SLC8A3: variants seen among roughly 807,000 people sequenced by gnomAD.
SLC8A3 encodes solute carrier family 8 member A3, also known as sodium/calcium exchanger 3.
In SLC8A3, 37 loss-of-function variants were observed where a neutral mutation model predicts 65.4. The ratio of observed to expected loss-of-function variants is 0.57; its 90% CI spans 0.44 to 0.74. The LOEUF is 0.74. SLC8A3 is among the 30% of genes least tolerant of loss of function. The pLI is 0.00. For synonymous variants in SLC8A3, 461 were observed against 444.5 expected (o/e 1.04, Z -0.47); for missense variants, 1,112 against 1,172.1 (o/e 0.95, Z 0.75).
intron 2 of SLC8A3, among the ~76,000 whole-genome samples, chr14:70,120,030 C>T (rs1315916281): frequency 6.6e-6 from 1 of 152,152 alleles, no homozygotes; most frequent in South Asian, 2.1e-4. Context: ...AGGTGGTTAA[C>T]TGACAAGTGC....
At chr14:70,054,614 T>C (rs964219589) in intron 3 of SLC8A3, among the ~76,000 whole-genome samples, 6 of 151,876 alleles carry the variant, frequency 4.0e-5, no homozygotes, top group Non-Finnish European at 8.8e-5. Context: ...TGTTATGAAA[T>C]CAATACCCTG....
At chr14:70,061,487 A>G (rs1469674889) in intron 2 of SLC8A3, among the ~76,000 whole-genome samples, 4 of 152,000 alleles carry the variant, frequency 2.6e-5, no homozygotes, top group African/African-American at 9.7e-5. Context: ...AGAAAATTTT[A>G]AAAGAAAAGT....
chr14:70,133,484 A>T (rs898284249), intron 2 of SLC8A3, among the ~76,000 whole-genome samples: 3 of 152,160 alleles, frequency 2.0e-5, no homozygotes, highest in African/African-American at 7.2e-5. Flanking sequence ...GTAATATCCT[A>T]TTCAGAACAA....
intron 3 of SLC8A3, among the ~76,000 whole-genome samples, chr14:70,055,031 T>G (rs1887926127): frequency 6.6e-6 from 1 of 152,158 alleles, no homozygotes; most frequent in African/African-American, 2.4e-5. Flanking sequence ...CTTTCATATC[T>G]GCTCATGAAG....
chr14:70,100,767 G>T, intron 2 of SLC8A3, among the ~76,000 whole-genome samples: 1 of 152,238 alleles, frequency 6.6e-6, no homozygotes, highest in East Asian at 1.9e-4. Flanking sequence ...GAACCCAAGA[G>T]AATGGAAGAT....
intron 2 of SLC8A3, among the ~76,000 whole-genome samples, chr14:70,117,135 T>G (rs1234503506): frequency 1.3e-5 from 2 of 152,258 alleles, no homozygotes; most frequent in Non-Finnish European, 2.9e-5. Flanking sequence ...CCTTTGGGAC[T>G]ATACCTTCTT....
At chr14:70,126,262 A>T (rs555146338) in intron 2 of SLC8A3, among the ~76,000 whole-genome samples, 1 of 152,266 alleles carries the variant, frequency 6.6e-6, no homozygotes, top group South Asian at 2.1e-4. Flanking sequence ...TCAATCAATC[A>T]ATAATAGTAA....
rs749481705 is a variant in SLC8A3 at position 70,060,862 on chromosome 14, G to A, written c.1862C>T (p.Pro621Leu). ...TGATATTCCACGTTCCATCCATTTCGGTTCACCAAGGGCAATGAAGAAATT... is the reference window on the plus strand; with the variant it reads ...TGATATTCCACGTTCCATCCATTTCAGTTCACCAAGGGCAATGAAGAAATT... ...QENFFIALGEPKWMERGISDV... is the reference protein window; with the variant it reads ...QENFFIALGELKWMERGISDV... Residue 621 changes from proline (P) to leucine (L), a missense_variant, in exon 3 of 7, where the codon CCG (proline) becomes CTG (leucine). By Grantham distance (98) the Pro-to-Leu change is moderately conservative. Transcript: ENST00000356921. 8.6e-6 allele frequency: 13 copies of A among 1,518,268 alleles called. No homozygotes were observed. Among genetic ancestry groups the A allele is most frequent in the East Asian group, 2.2e-5 (1 of 44,510 alleles). The allele number at this position is 1,518,268 out of a possible 1,614,324, so 94.0% of individuals were successfully genotyped here.
At chr14:70,138,796 G>A (rs191213348) in intron 2 of SLC8A3, among the ~76,000 whole-genome samples, 1 of 152,314 alleles carries the variant, frequency 6.6e-6, no homozygotes, top group East Asian at 1.9e-4. Flanking sequence ...AAGGACACAG[G>A]GCAGAAAGGA....
At chr14:70,183,127 A>G (rs1882899721) in intron 1 of SLC8A3, among the ~76,000 whole-genome samples, 1 of 152,316 alleles carries the variant, frequency 6.6e-6, no homozygotes, top group Admixed American at 6.5e-5. Context: ...TTTTGGTCCT[A>G]CTTCCAGATC....
At chr14:70,064,917 T>C (rs530407652) in intron 2 of SLC8A3, among the ~76,000 whole-genome samples, 1 of 152,292 alleles carries the variant, frequency 6.6e-6, no homozygotes, top group Non-Finnish European at 1.5e-5. Flanking sequence ...CCTCTCCAGA[T>C]GGTTGCTTAC....
At chr14:70,066,576 C>T (rs550411099) in intron 2 of SLC8A3, among the ~76,000 whole-genome samples, 44 of 152,182 alleles carry the variant, frequency 2.9e-4, no homozygotes, top group African/African-American at 1.0e-3. Flanking sequence ...TTTGGAAGGC[C>T]GAGGCGGGTG....
At position 70,175,811 on chromosome 14, in the gene SLC8A3, C is replaced by T. The variant is rs190362390; in HGVS notation, c.-62-7327G>A. Among the ~76,000 whole-genome samples, 454 of 151,396 alleles carry T rather than the reference C, an allele frequency of 3.0e-3. 3 individuals carry two copies. The highest frequency in any genetic ancestry group is 0.01 in the African/African-American group (421 of 41,232). On this transcript the variant is annotated intron_variant, in intron 1 of 6. Transcript: ENST00000356921. The stretch of plus-strand genomic sequence containing the variant: ...GTGTAGTGGCGCAATCTCGGCTCAC[C>T]GCAACCTCCGCCTCCCAGGATCAAG...
chr14:70,069,745 A>G (rs1040046931), intron 2 of SLC8A3, among the ~76,000 whole-genome samples: 2 of 152,192 alleles, frequency 1.3e-5, no homozygotes, highest in South Asian at 4.1e-4. Context: ...CCCCTGTTCC[A>G]TGAGAAGGCT....
chr14:70,120,081 C>T (rs1040111624), intron 2 of SLC8A3, among the ~76,000 whole-genome samples: 1 of 152,200 alleles, frequency 6.6e-6, no homozygotes, highest in Non-Finnish European at 1.5e-5. Flanking sequence ...GCCAGAGCAA[C>T]TCTGCCATCC....
rs570242454 is a variant in SLC8A3 at position 70,110,881 on chromosome 14, C to T, written c.1785-49942G>A. Among the ~76,000 whole-genome samples the T allele has an allele frequency of 6.6e-5, 10 of 151,854 alleles. No homozygotes were observed. In the South Asian group the frequency reaches 1.5e-3, roughly 22 times the overall value. On this transcript the variant is annotated intron_variant, in intron 2 of 6. Transcript: ENST00000356921. ...ATTTTTAGTAGAGACGGGGTTTTAC[C>T]GTGTTAGCCAAGATGGTCTCGATCT...
At chr14:70,131,165 G>A (rs563704393) in intron 2 of SLC8A3, among the ~76,000 whole-genome samples, 94 of 152,258 alleles carry the variant, frequency 6.2e-4, no homozygotes, top group African/African-American at 2.1e-3. Flanking sequence ...CTCCAAGAAG[G>A]CCAAGGATCA....
At chr14:70,051,316 A>G (rs1371614823) in intron 4 of SLC8A3, among the ~76,000 whole-genome samples, 1 of 152,164 alleles carries the variant, frequency 6.6e-6, no homozygotes, top group Non-Finnish European at 1.5e-5. Context: ...TGTTTGAGAC[A>G]GGGTCTCACT....
intron 1 of SLC8A3, among the ~76,000 whole-genome samples, chr14:70,181,039 T>A (rs1299402851): frequency 6.6e-6 from 1 of 152,198 alleles, no homozygotes; most frequent in East Asian, 1.9e-4. Flanking sequence ...ACAATCTGTA[T>A]GCTATGAAAC....
Sources: gnomAD v4.1 joint callset for allele counts (sites outside exome capture counted in the v4.1 genomes callset) on GRCh38, gnomAD v4.1.1 for gene constraint, MANE v1.5 for transcripts, NCBI Gene and HGNC (gene_info 2026-07-23, HGNC 2026-07-21) for gene names.